Variants in TMEM232 observed in about 807,000 individuals in gnomAD.
TMEM232 encodes the protein transmembrane protein 232.
Under a neutral mutation model 78.8 loss-of-function variants are expected in TMEM232, and 80 were observed. The ratio of observed to expected loss-of-function variants is 1.01; its 90% CI spans 0.85 to 1.22. TMEM232 has a LOEUF of 1.22. Ranked by LOEUF, TMEM232 falls within the 50% of genes most tolerant of loss-of-function variation. The probability of loss-of-function intolerance (pLI) is 0.00; values close to 1 mark genes in which losing one functional copy is unlikely to be tolerated. For missense variants in TMEM232, 881 were observed against 742.2 expected, an observed-to-expected ratio of 1.19 and a Z score of -2.17; for synonymous variants, 297 against 254.3, an observed-to-expected ratio of 1.17 and a Z score of -1.60.
At chr5:110,625,549 T>C (rs1232829621) in intron 6 of TMEM232, 116 bp from the exon 7 acceptor site, 1 of 914,570 alleles carries the variant, frequency 1.1e-6, no homozygotes, top group Non-Finnish European at 1.5e-6. Context: ...CAGAAACTGC[T>C]AGTTTCCTAT....
chr5:110,550,489 A>G (rs980215138), intron 11 of TMEM232, among the ~76,000 whole-genome samples: 1 of 152,116 alleles, frequency 6.6e-6, no homozygotes, highest in African/African-American at 2.4e-5. Flanking sequence ...TTATGTAAAA[A>G]ATAAACTTTT....
intron 1 of TMEM232, among the ~76,000 whole-genome samples, chr5:110,696,554 C>T (rs949592681): frequency 1.3e-5 from 2 of 152,008 alleles, no homozygotes; most frequent in East Asian, 1.9e-4. Context: ...CTAGAAAACC[C>T]CATAGTCTCA....
chr5:110,461,484 G>A (rs1000916660), intron 12 of TMEM232, among the ~76,000 whole-genome samples: 6 of 152,226 alleles, frequency 3.9e-5, no homozygotes, highest in Middle Eastern at 3.4e-3. Flanking sequence ...AAGGTGAAGC[G>A]GCAAGTGCTA....
intron 10 of TMEM232, among the ~76,000 whole-genome samples, chr5:110,577,193 C>A (rs1264020058): frequency 6.6e-6 from 1 of 151,594 alleles, no homozygotes; most frequent in Non-Finnish European, 1.5e-5. Context: ...GAAAAAAAAT[C>A]CCATAAAAAG....
At chr5:110,408,004 A>G (rs908398890) in intron 2 of TMEM232, among the ~76,000 whole-genome samples, 2 of 152,132 alleles carry the variant, frequency 1.3e-5, no homozygotes, top group East Asian at 3.9e-4. Context: ...ATAATTACGA[A>G]TGAAATTTAA....
intron 2 of TMEM232, among the ~76,000 whole-genome samples, chr5:110,734,035 T>A (rs532160741): frequency 1.3e-5 from 2 of 152,364 alleles, no homozygotes; most frequent in East Asian, 3.9e-4. Context: ...TTAGTTGACA[T>A]GTTTGTGATG....
intron 13 of TMEM232, 114 bp from the exon 14 acceptor site, chr5:110,420,870 G>T: frequency 7.3e-7 from 1 of 1,371,366 alleles, no homozygotes; most frequent in South Asian, 1.6e-5. Flanking sequence ...TTTTTTCCAT[G>T]ACATTCCTCA....
rs562142643 is a variant in TMEM232, at chr5:110,513,583, C to T, written c.1703+15005G>A. On this transcript the variant is annotated intron_variant, in intron 12 of 13. Transcript: ENST00000455884. ...CACAAATGGCCAACAGACAAGTATA[C>T]GAAAATGTTCACAACATCACTAATC... Among the ~76,000 whole-genome samples, 9 of 151,916 alleles carry T rather than the reference C, an allele frequency of 5.9e-5. No homozygotes were observed. In the South Asian group the frequency reaches 8.3e-4, roughly 14 times the overall value.
At chr5:110,531,326 A>G (rs1379897916) in intron 11 of TMEM232, among the ~76,000 whole-genome samples, 2 of 152,330 alleles carry the variant, frequency 1.3e-5, no homozygotes, top group East Asian at 3.9e-4. Flanking sequence ...ACACGGACAC[A>G]CATGAAATTT....
chr5:110,551,396 C>CT (rs748705570), intron 11 of TMEM232, among the ~76,000 whole-genome samples: 50 of 151,568 alleles, frequency 3.3e-4, no homozygotes, highest in Admixed American at 5.9e-4. Context: ...CTAATTTTTT[C>CT]TTTTTTTTAG....
intron 11 of TMEM232, among the ~76,000 whole-genome samples, chr5:110,548,296 C>T (rs1002654462): frequency 2.1e-4 from 31 of 149,652 alleles, no homozygotes; most frequent in Non-Finnish European, 3.9e-4. Context: ...AATTAAAATG[C>T]TAAACAGAAT....
chr5:110,672,294 T>G (rs1044907518), intron 1 of TMEM232, among the ~76,000 whole-genome samples: 7 of 152,180 alleles, frequency 4.6e-5, no homozygotes, highest in Non-Finnish European at 7.4e-5. Context: ...CTTCTCAACA[T>G]GCAAGTTCCA....
chr5:110,650,548 C>T (rs1013988286), intron 2 of TMEM232, among the ~76,000 whole-genome samples: 6 of 152,126 alleles, frequency 3.9e-5, no homozygotes, highest in Non-Finnish European at 5.9e-5. Context: ...GGTGCTTAAC[C>T]TCAGGTCTCT....
intron 10 of TMEM232, among the ~76,000 whole-genome samples, chr5:110,585,839 C>T (rs911618497): frequency 6.6e-6 from 1 of 152,058 alleles, no homozygotes; most frequent in African/African-American, 2.4e-5. Context: ...CAGTTCCAGG[C>T]CCTTCTCACC....
intron 10 of TMEM232, among the ~76,000 whole-genome samples, chr5:110,602,193 CTA>C (rs1284562440): frequency 6.6e-6 from 1 of 152,042 alleles, no homozygotes; most frequent in Non-Finnish European, 1.5e-5. Flanking sequence ...CACAAAAACC[CTA>C]GAAGAAAACC....
intron 1 of TMEM232, among the ~76,000 whole-genome samples, chr5:110,693,073 C>A (rs990784450): frequency 6.6e-5 from 10 of 152,164 alleles, no homozygotes; most frequent in Admixed American, 6.5e-5. Context: ...CGGTCTGACA[C>A]CTCACATGGC....
intron 13 of TMEM232, among the ~76,000 whole-genome samples, 164 bp downstream of exon 13, chr5:110,424,659 T>A (rs1002728422): frequency 6.7e-6 from 1 of 149,954 alleles, no homozygotes; most frequent in Non-Finnish European, 1.5e-5. Context: ...AAGACACTGG[T>A]GTACAGATAA....
intron 8 of TMEM232, among the ~76,000 whole-genome samples, chr5:110,612,175 A>C (rs1782382780): frequency 6.6e-6 from 1 of 152,174 alleles, no homozygotes; most frequent in Admixed American, 6.6e-5. Flanking sequence ...TATAACTGCT[A>C]AACAGACCCT....
intron 1 of TMEM232, among the ~76,000 whole-genome samples, chr5:110,716,276 T>G (rs1797005488): frequency 6.6e-6 from 1 of 152,154 alleles, no homozygotes; most frequent in African/African-American, 2.4e-5. Context: ...AGAAAATTTT[T>G]CCACAGATGG....
Sources: gnomAD v4.1 joint callset for allele counts (sites outside exome capture counted in the v4.1 genomes callset) on GRCh38, gnomAD v4.1.1 for gene constraint, MANE v1.5 for transcripts, NCBI Gene and HGNC (gene_info 2026-07-23, HGNC 2026-07-21) for gene names.